Variants in CDC42SE2 observed in about 807,000 individuals in gnomAD.
CDC42SE2 encodes the protein CDC42 small effector protein 2.
A neutral mutation model predicts 11.5 loss-of-function variants in CDC42SE2; 3 were observed. The observed-to-expected ratio is 0.26, with a 90% CI of 0.12 to 0.67. The LOEUF (loss-of-function observed/expected upper bound fraction) is 0.67. Ranked by LOEUF, CDC42SE2 falls within the 30% of genes least tolerant of loss-of-function variation. The pLI, the probability that CDC42SE2 is intolerant of heterozygous loss-of-function variation, is 0.80. For synonymous variants in CDC42SE2, 33 were observed against 34.8 expected (o/e 0.95, Z 0.18); for missense variants, 82 against 106.8 (o/e 0.77, Z 1.02).
intron 2 of CDC42SE2, among the ~76,000 whole-genome samples, chr5:131,329,783 G>A (rs375488927): frequency 2.0e-5 from 3 of 149,612 alleles, no homozygotes; most frequent in African/African-American, 4.9e-5. Context: ...GGAGGCTGAG[G>A]CAGGAGAATT....
chr5:131,352,732 C>T (rs542404814), intron 2 of CDC42SE2, among the ~76,000 whole-genome samples: 5 of 152,136 alleles, frequency 3.3e-5, no homozygotes, highest in Admixed American at 1.3e-4. Flanking sequence ...TAGTTTGAGA[C>T]GGATTTAGTG....
rs540796757 is a variant in CDC42SE2 at position 131,286,885 on chromosome 5, T to C, written c.-455+22719T>C. On this transcript the variant is annotated intron_variant, in intron 1 of 4. Coordinates refer to ENST00000505065, the MANE Select transcript of CDC42SE2 (RefSeq NM_001375635.1). ...CTGGTCAGCAGTAGGCTATTAACTT[T>C]TGGGAGTCAAAAGTTACTTGCAGAT... is the stretch of plus-strand genomic sequence containing the variant. Among the ~76,000 whole-genome samples, 3 of 152,036 alleles carry C rather than the reference T, an allele frequency of 2.0e-5. No homozygotes were observed. The East Asian group carries it at 5.8e-4, about 29-fold the overall frequency.
At chr5:131,215,039 T>A in the CDC42SE2 span, among the ~76,000 whole-genome samples, 1 of 152,218 alleles carries the variant, frequency 6.6e-6, no homozygotes, top group African/African-American at 2.4e-5. Context: ...GGACAGTCTG[T>A]TACCTACTCA....
At chr5:131,349,021 T>G in intron 2 of CDC42SE2, among the ~76,000 whole-genome samples, 1 of 152,076 alleles carries the variant, frequency 6.6e-6, no homozygotes, top group Non-Finnish European at 1.5e-5. Flanking sequence ...ATGTTAGACC[T>G]AAAACCATAA....
chr5:131,278,933 C>T (rs1314267042), intron 1 of CDC42SE2, among the ~76,000 whole-genome samples: 2 of 148,328 alleles, frequency 1.3e-5, no homozygotes, highest in Admixed American at 1.4e-4. Flanking sequence ...TACAGGTGTG[C>T]ACCACCACGC....
the CDC42SE2 span, among the ~76,000 whole-genome samples, chr5:131,215,051 A>T: frequency 0.019 from 2,868 of 152,284 alleles, 42 homozygotes; most frequent in Middle Eastern, 0.085. Flanking sequence ...ACCTACTCAA[A>T]CCAAAAGAAA....
intron 1 of CDC42SE2, among the ~76,000 whole-genome samples, 176 bp from the exon 2 acceptor site, chr5:131,315,800 A>G (rs1758028886): frequency 6.6e-6 from 1 of 152,190 alleles, no homozygotes; most frequent in Admixed American, 6.5e-5. Flanking sequence ...AAGTGTGTTA[A>G]CTGTGTATAA....
chr5:131,211,063 C>T, the CDC42SE2 span, among the ~76,000 whole-genome samples: 1 of 152,194 alleles, frequency 6.6e-6, no homozygotes, highest in Non-Finnish European at 1.5e-5. Context: ...TCTTGAATTC[C>T]TGATCTCAAG....
At chr5:131,257,696 TC>T (rs1204397670) in intron 2 of CDC42SE2, among the ~76,000 whole-genome samples, 1 of 152,100 alleles carries the variant, frequency 6.6e-6, no homozygotes, top group Non-Finnish European at 1.5e-5. Flanking sequence ...CAGGCTGGTT[TC>T]AAAGTCCTGA....
At chr5:131,306,823 A>T (rs187387988) in intron 1 of CDC42SE2, among the ~76,000 whole-genome samples, 2 of 152,220 alleles carry the variant, frequency 1.3e-5, no homozygotes, top group African/African-American at 4.8e-5. Context: ...GTTAAATTTA[A>T]TCCTAAATAT....
At chr5:131,291,845 A>G (rs1345954866) in intron 1 of CDC42SE2, among the ~76,000 whole-genome samples, 1 of 152,200 alleles carries the variant, frequency 6.6e-6, no homozygotes, top group African/African-American at 2.4e-5. Context: ...TTGGCACTTC[A>G]TAATAGACAA....
intron 1 of CDC42SE2, among the ~76,000 whole-genome samples, chr5:131,265,712 T>G (rs1170040060): frequency 6.6e-6 from 1 of 152,222 alleles, no homozygotes; most frequent in Non-Finnish European, 1.5e-5. Context: ...AATAAGTAAC[T>G]TTGTACAGCT....
chr5:131,221,154 A>G, the CDC42SE2 span, among the ~76,000 whole-genome samples: 1 of 152,060 alleles, frequency 6.6e-6, no homozygotes, highest in African/African-American at 2.4e-5. Flanking sequence ...CCAGAGTGCT[A>G]AGATTACAGA....
At chr5:131,233,959 A>G in the CDC42SE2 span, among the ~76,000 whole-genome samples, 3 of 152,112 alleles carry the variant, frequency 2.0e-5, no homozygotes, top group Admixed American at 1.3e-4. Context: ...TCCCTAAATG[A>G]CTTCATGGAT....
At chr5:131,364,616 A>G (rs183919595) in intron 3 of CDC42SE2, among the ~76,000 whole-genome samples, 55 of 152,380 alleles carry the variant, frequency 3.6e-4, no homozygotes, top group African/African-American at 1.3e-3. Context: ...ATGCTCAGAC[A>G]GAGAGCACTG....
At chr5:131,298,110 A>ATT (rs368135855) in intron 1 of CDC42SE2, among the ~76,000 whole-genome samples, 1 of 142,562 alleles carries the variant, frequency 7.0e-6, no homozygotes. Flanking sequence ...TCATCTTTAA[A>ATT]TTTTTTTTTT....
At chr5:131,226,500 C>T in the CDC42SE2 span, among the ~76,000 whole-genome samples, 3 of 152,262 alleles carry the variant, frequency 2.0e-5, no homozygotes, top group South Asian at 6.2e-4. Flanking sequence ...CCTCACCTTC[C>T]CTAAAGGGGC....
At chr5:131,385,061 C>T (rs1009083624) in intron 3 of CDC42SE2, among the ~76,000 whole-genome samples, 1 of 152,168 alleles carries the variant, frequency 6.6e-6, no homozygotes, top group African/African-American at 2.4e-5. Flanking sequence ...ACCTCCACCC[C>T]CTCCAGCTGA....
intron 2 of CDC42SE2, among the ~76,000 whole-genome samples, chr5:131,348,558 C>T (rs6889190): frequency 9.2e-5 from 14 of 152,096 alleles, no homozygotes; most frequent in Non-Finnish European, 1.3e-4. Context: ...TGAAAATGGC[C>T]GTACTGCCCA....
Sources: gnomAD v4.1 joint callset for allele counts (sites outside exome capture counted in the v4.1 genomes callset) on GRCh38, gnomAD v4.1.1 for gene constraint, MANE v1.5 for transcripts, NCBI Gene and HGNC (gene_info 2026-07-23, HGNC 2026-07-21) for gene names.